The following MARCHF1 variants were observed in gnomAD, a reference collection of about 807,000 sequenced individuals.
The protein encoded by MARCHF1 is E3 ubiquitin-protein ligase MARCHF1.
A neutral mutation model predicts 54.2 loss-of-function variants in MARCHF1; 40 were observed. That is an observed-to-expected ratio of 0.74 (90% CI 0.57 to 0.96). The LOEUF (loss-of-function observed/expected upper bound fraction) is 0.96, where lower values mean the gene tolerates loss of function less well. MARCHF1 is among the 40% of genes least tolerant of loss of function. MARCHF1 has a pLI of 0.00. For synonymous variants in MARCHF1, 236 were observed against 236.3 expected (o/e 1.00, Z 0.01); for missense variants, 586 against 656.5 (o/e 0.89, Z 1.17).
At chr4:163,859,076 T>G (rs1749849739) in intron 3 of MARCHF1, among the ~76,000 whole-genome samples, 1 of 152,154 alleles carries the variant, frequency 6.6e-6, no homozygotes, top group Non-Finnish European at 1.5e-5. Flanking sequence ...ATACAATGAA[T>G]AAGAAGGTAA....
intron 7 of MARCHF1, among the ~76,000 whole-genome samples, chr4:163,604,171 C>T (rs931429270): frequency 6.6e-6 from 1 of 152,098 alleles, no homozygotes; most frequent in Non-Finnish European, 1.5e-5. Flanking sequence ...AAGACTTCCT[C>T]GTCTTCATCT....
At chr4:164,107,519 C>G (rs761640787) in intron 2 of MARCHF1, among the ~76,000 whole-genome samples, 1 of 152,040 alleles carries the variant, frequency 6.6e-6, no homozygotes, top group Non-Finnish European at 1.5e-5. Context: ...AGTACCACCA[C>G]GCTCTGCTTA....
intron 1 of MARCHF1, among the ~76,000 whole-genome samples, chr4:164,374,532 A>G (rs1395518378): frequency 1.3e-5 from 2 of 152,138 alleles, no homozygotes; most frequent in Admixed American, 6.5e-5. Flanking sequence ...ATTGACAACT[A>G]TGGCTTATCC....
At chr4:163,920,868 C>T (rs1751415359) in intron 3 of MARCHF1, among the ~76,000 whole-genome samples, 1 of 152,128 alleles carries the variant, frequency 6.6e-6, no homozygotes, top group African/African-American at 2.4e-5. Context: ...ATTTTAAGTA[C>T]TGTAATCTGA....
At chr4:163,894,328 G>A (rs1442329077) in intron 3 of MARCHF1, among the ~76,000 whole-genome samples, 1 of 151,436 alleles carries the variant, frequency 6.6e-6, no homozygotes, top group Non-Finnish European at 1.5e-5. Flanking sequence ...AGCACATGGG[G>A]GTATAAGAAA....
chr4:163,766,295 G>C (rs1746975010), intron 4 of MARCHF1, among the ~76,000 whole-genome samples: 1 of 151,918 alleles, frequency 6.6e-6, no homozygotes, highest in African/African-American at 2.4e-5. Flanking sequence ...ATATAACTTT[G>C]GGGGAAAGTA....
intron 5 of MARCHF1, among the ~76,000 whole-genome samples, chr4:163,670,378 C>T (rs543994906): frequency 7.8e-6 from 1 of 127,658 alleles, no homozygotes; most frequent in African/African-American, 3.1e-5. Context: ...ATCTATCTAT[C>T]TATCTGTCTG....
intron 1 of MARCHF1, among the ~76,000 whole-genome samples, chr4:164,324,515 C>G (rs944150706): frequency 6.6e-6 from 1 of 151,204 alleles, no homozygotes; most frequent in East Asian, 1.9e-4. Context: ...CTTTGAAAAC[C>G]CAAGAGACTC....
At chr4:164,330,473 C>A (rs1373082013) in intron 1 of MARCHF1, among the ~76,000 whole-genome samples, 1 of 152,126 alleles carries the variant, frequency 6.6e-6, no homozygotes, top group Non-Finnish European at 1.5e-5. Flanking sequence ...ATAAAACCCA[C>A]CCGTAGCCAC....
chr4:164,049,183 C>A (rs1754303170), intron 2 of MARCHF1, among the ~76,000 whole-genome samples: 1 of 152,210 alleles, frequency 6.6e-6, no homozygotes, highest in Non-Finnish European at 1.5e-5. Flanking sequence ...GAAGGGGAAG[C>A]AGGCACATTT....
At chr4:163,972,485 C>T (rs1752565474) in intron 3 of MARCHF1, among the ~76,000 whole-genome samples, 1 of 152,096 alleles carries the variant, frequency 6.6e-6, no homozygotes, top group Admixed American at 6.6e-5. Context: ...CTATTAAGTA[C>T]TATATTTATT....
chr4:164,099,830 A>C (rs1358062472), intron 2 of MARCHF1, among the ~76,000 whole-genome samples: 1 of 152,164 alleles, frequency 6.6e-6, no homozygotes, highest in Admixed American at 6.5e-5. Flanking sequence ...AAAATTGTGA[A>C]TCTAATACTT....
At chr4:163,602,444 A>T (rs1741003278) in intron 7 of MARCHF1, among the ~76,000 whole-genome samples, 1 of 152,084 alleles carries the variant, frequency 6.6e-6, no homozygotes, top group Admixed American at 6.6e-5. Context: ...ACCTTTTTCA[A>T]GTCTGACCAC....
At chr4:164,318,165 G>A (rs1735046848) in intron 1 of MARCHF1, among the ~76,000 whole-genome samples, 1 of 152,142 alleles carries the variant, frequency 6.6e-6, no homozygotes. Flanking sequence ...ATTGATAGAG[G>A]TAAAGCATTT....
intron 1 of MARCHF1, among the ~76,000 whole-genome samples, chr4:164,341,549 T>TTA (rs1171104396): frequency 5.3e-5 from 8 of 152,248 alleles, no homozygotes; most frequent in African/African-American, 1.4e-4. Flanking sequence ...TTTTACATAG[T>TTA]TATGGAAACT....
chr4:164,215,794 A>G (rs187452250), intron 1 of MARCHF1, among the ~76,000 whole-genome samples: 1 of 152,320 alleles, frequency 6.6e-6, no homozygotes, highest in African/African-American at 2.4e-5. Context: ...CTAAAGAACT[A>G]TATTACATTC....
rs181876287 is a variant in MARCHF1, at chr4:164,119,817, G to T, written c.-322-8155C>A. 3.8e-4 allele frequency among the ~76,000 whole-genome samples: 57 copies of T among 151,624 alleles called. 2 individuals are homozygous for T. The East Asian group carries it at 7.6e-3, about 20-fold the overall frequency. The stretch of plus-strand genomic sequence containing the variant: ...CACAGCAGAGAAAAAAGCTTAAAAT[G>T]GATCAATTTTCAAAAAGAAAATATA... On this transcript the variant is annotated intron_variant, in intron 1 of 9. Transcript: ENST00000514618.
At chr4:164,143,462 A>C (rs1476434602) in intron 1 of MARCHF1, among the ~76,000 whole-genome samples, 1 of 148,700 alleles carries the variant, frequency 6.7e-6, no homozygotes, top group Non-Finnish European at 1.5e-5. Flanking sequence ...CATCAGACTA[A>C]CAGCAGATCT....
chr4:163,746,332 C>A (rs1471895131), intron 4 of MARCHF1, among the ~76,000 whole-genome samples: 1 of 152,030 alleles, frequency 6.6e-6, no homozygotes, highest in Non-Finnish European at 1.5e-5. Flanking sequence ...CTTTTTATGG[C>A]TTGAGAGCTC....
Sources: gnomAD v4.1 joint callset for allele counts (sites outside exome capture counted in the v4.1 genomes callset) on GRCh38, gnomAD v4.1.1 for gene constraint, MANE v1.5 for transcripts, NCBI Gene and HGNC (gene_info 2026-07-23, HGNC 2026-07-21) for gene names.